TAF2: variants seen among roughly 807,000 people sequenced by gnomAD.
The protein encoded by TAF2 is transcription initiation factor TFIID subunit 2.
In TAF2, 61 loss-of-function variants were observed where a neutral mutation model predicts 138.5. That is an observed-to-expected ratio of 0.44 (90% CI 0.36 to 0.54). The LOEUF is 0.54. Ranked by LOEUF, TAF2 falls within the 20% of genes least tolerant of loss-of-function variation. The pLI is 0.00. For missense variants in TAF2, 1,090 were observed against 1,427.9 expected, an observed-to-expected ratio of 0.76 and a Z score of 3.81; for synonymous variants, 475 against 469.9, an observed-to-expected ratio of 1.01 and a Z score of -0.14.
intron 14 of TAF2, among the ~76,000 whole-genome samples, chr8:119,788,049 A>G (rs10113252): frequency 0.58 from 87,970 of 151,652 alleles, 25,679 homozygotes; most frequent in Middle Eastern, 0.75. Flanking sequence ...GAGAACACAC[A>G]GACACAGGGA....
At chr8:119,806,259 G>C in intron 4 of TAF2, 24 bp downstream of exon 4, 1 of 1,575,804 alleles carries the variant, frequency 6.3e-7, no homozygotes, top group Non-Finnish European at 8.7e-7. Context: ...TTAGTGTACA[G>C]TCAATATACT....
At chr8:119,765,399 C>A (rs1821352968) in intron 18 of TAF2, among the ~76,000 whole-genome samples, 1 of 151,998 alleles carries the variant, frequency 6.6e-6, no homozygotes, top group South Asian at 2.1e-4. Flanking sequence ...ATACGCTGAT[C>A]TTAGAAAAAT....
At chr8:119,822,425 T>C (rs1170326805) in intron 2 of TAF2, among the ~76,000 whole-genome samples, 3 of 152,054 alleles carry the variant, frequency 2.0e-5, no homozygotes, top group Non-Finnish European at 2.9e-5. Flanking sequence ...GGTCTTATCA[T>C]GTTGCCCAAG....
Position 119,785,232 on chromosome 8 carries a change from C to T in TAF2, c.1828G>A (p.Glu610Lys). 4 of 1,612,962 alleles carry T rather than the reference C, an allele frequency of 2.5e-6. No individual in the cohort carries two copies. Among genetic ancestry groups the T allele is most frequent in the Non-Finnish European group, 3.4e-6 (4 of 1,179,270 alleles). The part of the protein sequence containing the change: ...KKKKIPLMNG[E>K]EVDMDLSAMD... ...GCAGAAAGATCCATATCAACTTCTT[C>T]TCCATTCATCAGTGGGATTTTTTTC... is the stretch of plus-strand genomic sequence containing the variant. The change falls in exon 15 of 26, where the codon GAA becomes AAA. Residue 610 changes from glutamate (E) to lysine (K), a missense_variant. Glu to Lys is a moderately conservative substitution (Grantham distance 56). Around this residue, in one of 3 missense-constraint regions of TAF2, gnomAD observed 580 missense variants for 719.6 expected, o/e 0.81. Transcript: ENST00000378164.
In TAF2 at chr8:119,788,073, C is replaced by T. The variant is rs538343942; in HGVS notation, c.1793+265G>A. On this transcript the variant is annotated intron_variant, in intron 14 of 25. Transcript: ENST00000378164. ...CAGACACAGGGAGGGGAACATCACACACCGGGGCCTGTCAGGAGGTGGGGG... is the reference window on the plus strand; with the variant it reads ...CAGACACAGGGAGGGGAACATCACATACCGGGGCCTGTCAGGAGGTGGGGG... 3.0e-4 allele frequency among the ~76,000 whole-genome samples: 45 copies of T among 152,188 alleles called. No homozygotes were observed. In the South Asian group the frequency reaches 8.7e-3, roughly 30 times the overall value.
intron 18 of TAF2, among the ~76,000 whole-genome samples, chr8:119,764,480 T>C (rs1821293438): frequency 6.6e-6 from 1 of 152,184 alleles, no homozygotes; most frequent in Non-Finnish European, 1.5e-5. Flanking sequence ...CACAAAATCA[T>C]AAATGATGAC....
chr8:119,781,039 A>T lies in TAF2; in HGVS notation c.2253+14T>A. The T allele has an allele frequency of 1.2e-6, 2 of 1,610,414 alleles. No individual in the cohort carries two copies. The highest frequency in any genetic ancestry group is 1.7e-6 in the Non-Finnish European group (2 of 1,178,866). On this transcript the variant is annotated intron_variant, in intron 17 of 25. Coordinates refer to ENST00000378164, the MANE Select transcript of TAF2 (RefSeq NM_003184.4). ...TATATAAAAACCATGAGAAAATTAGAAAGTAAACTGTACCTTCTGTAGAAA... is the reference window on the plus strand; with the variant it reads ...TATATAAAAACCATGAGAAAATTAGTAAGTAAACTGTACCTTCTGTAGAAA...
At chr8:119,759,987 T>C (rs1820949653) in intron 20 of TAF2, among the ~76,000 whole-genome samples, 1 of 152,076 alleles carries the variant, frequency 6.6e-6, no homozygotes, top group African/African-American at 2.4e-5. Flanking sequence ...GCCTTAAAAA[T>C]TAAAATTTCA....
chr8:119,812,722 T>C (rs1469685491), intron 3 of TAF2, among the ~76,000 whole-genome samples: 1 of 53,218 alleles, frequency 1.9e-5, no homozygotes, highest in African/African-American at 7.0e-5. Context: ...TTCCATGGTG[T>C]GTGTGTGTGT....
chr8:119,816,944 A>T (rs1307617645), intron 3 of TAF2, among the ~76,000 whole-genome samples: 1 of 152,252 alleles, frequency 6.6e-6, no homozygotes, highest in Non-Finnish European at 1.5e-5. Context: ...AATAAATTTC[A>T]AATTCTTTTT....
chr8:119,804,606 G>A (rs1412643826), intron 4 of TAF2, among the ~76,000 whole-genome samples: 1 of 152,150 alleles, frequency 6.6e-6, no homozygotes. Context: ...ATCTGCATAA[G>A]ACATGACTTG....
chr8:119,734,634 A>G (rs1208570571), intron 25 of TAF2, among the ~76,000 whole-genome samples: 9 of 152,126 alleles, frequency 5.9e-5, no homozygotes, highest in Non-Finnish European at 1.3e-4. Context: ...TAACTGATAC[A>G]CTCATTTAAT....
At chr8:119,793,918 G>A (rs1321467494) in intron 9 of TAF2, among the ~76,000 whole-genome samples, 1 of 149,176 alleles carries the variant, frequency 6.7e-6, no homozygotes, top group Non-Finnish European at 1.5e-5. Flanking sequence ...AAAAAGGGGG[G>A]GTTGGGGGCA....
intron 8 of TAF2, among the ~76,000 whole-genome samples, chr8:119,796,513 GC>G (rs1487215809): frequency 2.6e-5 from 4 of 152,052 alleles, no homozygotes; most frequent in Non-Finnish European, 5.9e-5. Flanking sequence ...TATTAATATT[GC>G]AGAGGAGTAC....
intron 3 of TAF2, among the ~76,000 whole-genome samples, chr8:119,815,002 G>A (rs1380160020): frequency 6.6e-6 from 1 of 151,888 alleles, no homozygotes; most frequent in Admixed American, 6.6e-5. Flanking sequence ...AGAACTTTGG[G>A]AGGCCGAGGC....
rs1308254953 is a variant in TAF2, at chr8:119,832,821, G to T, written c.-257C>A. 1 of 453,020 alleles carries T rather than the reference G, an allele frequency of 2.2e-6. No individual in the cohort carries two copies. The highest frequency in any genetic ancestry group is 3.8e-5 in the Admixed American group (1 of 26,104). 28.1% of individuals were successfully genotyped at this position (453,020 alleles called of 1,614,324 possible). On this transcript the variant is annotated 5_prime_UTR_variant, in exon 1 of 26. An upstream open reading frame in the 5' UTR gains an earlier in-frame stop. Coordinates refer to ENST00000378164, the MANE Select transcript of TAF2 (RefSeq NM_003184.4). ...CAAGGGCTCGAAGCTACCATCCGCCGACATCTTGTCTGTAACCTCTGACCT... is the reference window on the plus strand; with the variant it reads ...CAAGGGCTCGAAGCTACCATCCGCCTACATCTTGTCTGTAACCTCTGACCT...
intron 23 of TAF2, among the ~76,000 whole-genome samples, chr8:119,745,339 A>G (rs1236391275): frequency 1.3e-5 from 2 of 152,236 alleles, no homozygotes; most frequent in East Asian, 3.9e-4. Context: ...AATTATAAAT[A>G]TATCAATTTT....
chr8:119,797,929 A>G, intron 6 of TAF2, 83 bp from the exon 7 acceptor site: 2 of 1,237,076 alleles, frequency 1.6e-6, no homozygotes, highest in Non-Finnish European at 2.3e-6. Context: ...TCAACTATAA[A>G]TAAATGTTCT....
At chr8:119,811,147 G>T (rs965409081) in intron 3 of TAF2, among the ~76,000 whole-genome samples, 2 of 151,968 alleles carry the variant, frequency 1.3e-5, no homozygotes, top group African/African-American at 4.8e-5. Flanking sequence ...TTACAGAAAT[G>T]CAACTTAAAG....
Sources: allele counts gnomAD v4.1 joint callset (sites outside exome capture counted in the v4.1 genomes callset), GRCh38; gene constraint gnomAD v4.1.1; regional missense constraint gnomAD v4.1.1; transcripts MANE v1.5; gene names NCBI Gene and HGNC (gene_info 2026-07-23, HGNC 2026-07-21).